UNC5D: variants seen among roughly 807,000 people sequenced by gnomAD.
The protein encoded by UNC5D is unc-5 netrin receptor D, also known as netrin receptor UNC5D.
Under a neutral mutation model 105.4 loss-of-function variants are expected in UNC5D, and 39 were observed. The observed-to-expected ratio is 0.37, with a 90% CI of 0.29 to 0.48. UNC5D has a LOEUF of 0.48. Ranked by LOEUF, UNC5D falls within the 20% of genes least tolerant of loss-of-function variation. UNC5D has a pLI of 0.98. For missense variants in UNC5D, 991 were observed against 1,202.4 expected, an observed-to-expected ratio of 0.82 and a Z score of 2.60; for synonymous variants, 452 against 450.4, an observed-to-expected ratio of 1.00 and a Z score of -0.04.
chr8:35,274,560 C>T (rs993658587), intron 1 of UNC5D, among the ~76,000 whole-genome samples: 1 of 152,162 alleles, frequency 6.6e-6, no homozygotes, highest in African/African-American at 2.4e-5. Context: ...GCGTTTATAT[C>T]AGCCTGAAGA....
chr8:35,684,114 T>G (rs2131341809), intron 5 of UNC5D, among the ~76,000 whole-genome samples: 1 of 152,296 alleles, frequency 6.6e-6, no homozygotes, highest in Admixed American at 6.5e-5. Context: ...GTCTCTCCCC[T>G]GGTATGTGAA....
chr8:35,370,851 C>G (rs899571283), intron 1 of UNC5D, among the ~76,000 whole-genome samples: 1 of 151,920 alleles, frequency 6.6e-6, no homozygotes, highest in Admixed American at 6.6e-5. Context: ...CTGAAGACAC[C>G]CATGGATAAT....
chr8:35,578,225 C>CAA (rs5890822), intron 3 of UNC5D, among the ~76,000 whole-genome samples: 16 of 59,178 alleles, frequency 2.7e-4, no homozygotes, highest in South Asian at 1.3e-3. Context: ...AACTCTGTCT[C>CAA]AAAAAAAAAA....
At chr8:35,503,800 C>A (rs917934822) in intron 1 of UNC5D, among the ~76,000 whole-genome samples, 1 of 152,092 alleles carries the variant, frequency 6.6e-6, no homozygotes, top group Non-Finnish European at 1.5e-5. Flanking sequence ...ATTAAAAGAG[C>A]CTCCCTGTGT....
intron 1 of UNC5D, among the ~76,000 whole-genome samples, chr8:35,331,714 G>A (rs913119306): frequency 2.0e-5 from 3 of 152,108 alleles, no homozygotes; most frequent in Non-Finnish European, 1.5e-5. Context: ...GAATTGAACA[G>A]AATCACATCA....
At chr8:35,546,211 T>TA (rs1195062515) in intron 1 of UNC5D, among the ~76,000 whole-genome samples, 1 of 152,148 alleles carries the variant, frequency 6.6e-6, no homozygotes, top group Non-Finnish European at 1.5e-5. Flanking sequence ...GACTGATCCT[T>TA]AAGGGGGATC....
intron 1 of UNC5D, among the ~76,000 whole-genome samples, chr8:35,450,167 CTTAG>C (rs1808052329): frequency 1.3e-5 from 2 of 152,116 alleles, no homozygotes; most frequent in Admixed American, 1.3e-4. Flanking sequence ...TTGTTTAGTA[CTTAG>C]TAAGAGTGTT....
At chr8:35,497,886 A>T (rs993094595) in intron 1 of UNC5D, among the ~76,000 whole-genome samples, 1 of 151,942 alleles carries the variant, frequency 6.6e-6, no homozygotes, top group African/African-American at 2.4e-5. Flanking sequence ...CCTGACCAAC[A>T]TGGAGAAACC....
At chr8:35,592,041 G>A (rs931120718) in intron 3 of UNC5D, among the ~76,000 whole-genome samples, 5 of 152,096 alleles carry the variant, frequency 3.3e-5, no homozygotes, top group African/African-American at 1.2e-4. Flanking sequence ...TAAACCAATT[G>A]GTGTACTTGC....
intron 1 of UNC5D, among the ~76,000 whole-genome samples, chr8:35,505,237 T>A (rs1315819099): frequency 1.3e-5 from 2 of 152,258 alleles, no homozygotes; most frequent in Non-Finnish European, 2.9e-5. Flanking sequence ...TGTACATTTT[T>A]ATAATTTTGG....
intron 7 of UNC5D, among the ~76,000 whole-genome samples, chr8:35,688,208 T>C (rs1360966507): frequency 3.3e-5 from 5 of 150,892 alleles, no homozygotes; most frequent in Non-Finnish European, 5.9e-5. Flanking sequence ...CTAGAACTGG[T>C]CGCCTTCTCG....
intron 14 of UNC5D, among the ~76,000 whole-genome samples, chr8:35,766,250 A>AGT (rs1369487044): frequency 6.6e-6 from 1 of 151,992 alleles, no homozygotes; most frequent in African/African-American, 2.4e-5. Flanking sequence ...TGAATGGACA[A>AGT]ATTGAGCAAA....
intron 1 of UNC5D, among the ~76,000 whole-genome samples, chr8:35,477,904 T>C (rs1441015475): frequency 6.6e-6 from 1 of 152,132 alleles, no homozygotes. Context: ...ACTGGTTAAA[T>C]AGGAAGATAA....
intron 1 of UNC5D, among the ~76,000 whole-genome samples, chr8:35,346,115 G>C (rs1811790907): frequency 6.6e-6 from 1 of 151,960 alleles, no homozygotes; most frequent in African/African-American, 2.4e-5. Flanking sequence ...TGGGGTAAAA[G>C]GAAAATGAAC....
At position 35,684,730 on chromosome 8, in the gene UNC5D, C is replaced by A; in HGVS notation, c.900C>A (p.Thr300=). 1 of 1,613,306 alleles carries A rather than the reference C, an allele frequency of 6.2e-7. No individual in the cohort carries two copies. Among genetic ancestry groups the A allele is most frequent in the Middle Eastern group, 1.7e-4 (1 of 6,048 alleles). ...FCEGMSVQKI[T]CTSLCPVDGS... is the part of the protein sequence containing the mutation. ...AGGGAATGTCAGTGCAGAAAATAAC[C>A]TGCACTTCTCTTTGTCCTGGTGAGA... is the stretch of plus-strand genomic sequence containing the variant. The change falls in exon 6 of 17, where the codon ACC becomes ACA. Residue 300 remains threonine, a synonymous_variant. Transcript: ENST00000404895.
At chr8:35,296,063 T>C (rs1807461370) in intron 1 of UNC5D, among the ~76,000 whole-genome samples, 2 of 152,218 alleles carry the variant, frequency 1.3e-5, no homozygotes, top group South Asian at 4.1e-4. Flanking sequence ...CTTAATCCAT[T>C]CATCAGTTGA....
chr8:35,599,797 T>C (rs1183026139), intron 4 of UNC5D, among the ~76,000 whole-genome samples: 2 of 152,150 alleles, frequency 1.3e-5, no homozygotes, highest in Non-Finnish European at 2.9e-5. Flanking sequence ...TAAAAATATA[T>C]TTTCTTTTTT....
At chr8:35,312,102 AT>A (rs1264966555) in intron 1 of UNC5D, among the ~76,000 whole-genome samples, 4 of 152,162 alleles carry the variant, frequency 2.6e-5, no homozygotes, top group African/African-American at 7.2e-5. Flanking sequence ...TTGTTTTTCA[AT>A]TAATTAAAAT....
intron 1 of UNC5D, among the ~76,000 whole-genome samples, chr8:35,397,986 A>G (rs1358162105): frequency 1.3e-5 from 2 of 152,152 alleles, no homozygotes; most frequent in African/African-American, 2.4e-5. Flanking sequence ...CTTTGCATCT[A>G]TGCTGGTCTT....
Sources: gnomAD v4.1 joint callset for allele counts (sites outside exome capture counted in the v4.1 genomes callset) on GRCh38, gnomAD v4.1.1 for gene constraint, MANE v1.5 for transcripts, NCBI Gene and HGNC (gene_info 2026-07-23, HGNC 2026-07-21) for gene names.